The following PINX1 variants were observed in gnomAD, a reference collection of about 807,000 sequenced individuals.
PINX1 encodes PIN2/TERF1-interacting telomerase inhibitor 1.
In PINX1, 34 loss-of-function variants were observed where a neutral mutation model predicts 25.4. The ratio of observed to expected loss-of-function variants is 1.34; its 90% CI spans 1.02 to 1.78. The LOEUF is 1.78. PINX1 is among the 40% of genes most tolerant of loss of function. PINX1 has a pLI of 0.00. For synonymous variants in PINX1, 197 were observed against 147.7 expected, an observed-to-expected ratio of 1.33 and a Z score of -2.42; for missense variants, 592 against 404.9, an observed-to-expected ratio of 1.46 and a Z score of -3.97.
intron 5 of PINX1, among the ~76,000 whole-genome samples, chr8:10,824,971 G>A (rs1207627046): frequency 6.6e-6 from 1 of 152,210 alleles, no homozygotes; most frequent in African/African-American, 2.4e-5. Context: ...AAGAACCCCA[G>A]TCAGAAGGGA....
rs1402880212 is a variant in PINX1 at position 10,770,193 on chromosome 8, A to G, written c.472-4277T>C. On this transcript the variant is annotated intron_variant, in intron 6 of 6. Transcript: ENST00000314787. ...GATGCTGGACAGCTTCCACCTGGAC[A>G]CTGCCAATATGGAAAGGTGGCTGCT... Among the ~76,000 whole-genome samples the G allele has an allele frequency of 3.3e-5, 5 of 152,348 alleles. No homozygotes were observed. The South Asian group carries it at 8.3e-4, about 25-fold the overall frequency.
At chr8:10,779,114 A>T (rs1586141484) in intron 6 of PINX1, among the ~76,000 whole-genome samples, 1 of 152,300 alleles carries the variant, frequency 6.6e-6, no homozygotes, top group East Asian at 1.9e-4. Context: ...CCAAGTATGG[A>T]TGTATTTTCT....
intron 6 of PINX1, among the ~76,000 whole-genome samples, chr8:10,799,029 T>C (rs1329615669): frequency 3.3e-5 from 5 of 152,178 alleles, no homozygotes; most frequent in Admixed American, 3.3e-4. Context: ...AGCAAGGAAA[T>C]TAGAGGTAAG....
chr8:10,826,203 C>T lies in PINX1; in HGVS notation c.343G>A (p.Glu115Lys). The change falls in exon 5 of 7, where the codon GAA becomes AAA. Residue 115 changes from glutamate (E) to lysine (K), a missense_variant. By Grantham distance (56) the Glu-to-Lys change is moderately conservative. Transcript: ENST00000314787. ...CGGTTTTTGGAGATTTTGGACTTTT[C>T]CTCAAGGCTAAAAGATTTCTTTTCC... Reference protein sequence around the residue: ...KKEKKSFSLEEKSKISKNRVH... With the variant: ...KKEKKSFSLEKKSKISKNRVH... 6.3e-7 allele frequency: 1 copy of T among 1,598,094 alleles called. No individual in the cohort carries two copies. Among genetic ancestry groups the T allele is most frequent in the Non-Finnish European group, 8.6e-7 (1 of 1,168,376 alleles).
chr8:10,769,352 G>A (rs534997175), intron 6 of PINX1, among the ~76,000 whole-genome samples: 150 of 152,256 alleles, frequency 9.9e-4, no homozygotes, highest in Non-Finnish European at 1.8e-3. Context: ...TTCCTTCAGC[G>A]CTAATGAGTG....
Position 10,833,012 on chromosome 8 carries a change from A to G in PINX1, c.130-28T>C, listed in dbSNP as rs146225181. 32 of 1,407,568 alleles carry G rather than the reference A, an allele frequency of 2.3e-5. No individual in the cohort carries two copies. The East Asian group carries it at 7.2e-4, about 31-fold the overall frequency. 87.2% of individuals were successfully genotyped at this position (1,407,568 alleles called of 1,614,324 possible). A position where few individuals can be genotyped will look rare whatever the true frequency, so the allele number is the denominator to read the frequency against. On this transcript the variant is annotated intron_variant, in intron 2 of 6. Coordinates refer to ENST00000314787, the MANE Select transcript of PINX1 (RefSeq NM_017884.6). ...GTGGAGATTAAACACAGAGAGTTAGAACATTCCTCTCACTGATACTCAGAA... is the reference window on the plus strand; with the variant it reads ...GTGGAGATTAAACACAGAGAGTTAGGACATTCCTCTCACTGATACTCAGAA...
At chr8:10,813,862 G>A (rs1797611677) in intron 6 of PINX1, among the ~76,000 whole-genome samples, 1 of 151,318 alleles carries the variant, frequency 6.6e-6, no homozygotes, top group African/African-American at 2.4e-5. Context: ...GAAACAAGCT[G>A]GAGAGAGGAA....
At chr8:10,770,393 G>C (rs983173534) in intron 6 of PINX1, among the ~76,000 whole-genome samples, 4 of 152,220 alleles carry the variant, frequency 2.6e-5, no homozygotes, top group African/African-American at 9.7e-5. Flanking sequence ...CCTGCAGAGA[G>C]TCCCTGCGGG....
intron 6 of PINX1, among the ~76,000 whole-genome samples, chr8:10,789,250 G>A (rs1368430577): frequency 6.6e-6 from 1 of 152,234 alleles, no homozygotes; most frequent in South Asian, 2.1e-4. Flanking sequence ...CCAGCGAGAT[G>A]AGGAGCCATG....
chr8:10,781,095 A>C (rs1801571203), intron 6 of PINX1, among the ~76,000 whole-genome samples: 1 of 152,198 alleles, frequency 6.6e-6, no homozygotes, highest in Non-Finnish European at 1.5e-5. Context: ...AGAAGACACA[A>C]TGGGGAAAGG....
At chr8:10,780,069 A>C (rs1192345845) in intron 6 of PINX1, among the ~76,000 whole-genome samples, 1 of 152,220 alleles carries the variant, frequency 6.6e-6, no homozygotes, top group Non-Finnish European at 1.5e-5. Context: ...TATGTTGATC[A>C]TGTATCCTGC....
chr8:10,803,312 C>G (rs1240346963), intron 6 of PINX1, among the ~76,000 whole-genome samples: 1 of 152,200 alleles, frequency 6.6e-6, no homozygotes, highest in Admixed American at 6.5e-5. Flanking sequence ...GCCATTAGCA[C>G]ATCTAATCAA....
At chr8:10,830,905 TAA>T (rs1187927158) in intron 4 of PINX1, among the ~76,000 whole-genome samples, 1 of 152,114 alleles carries the variant, frequency 6.6e-6, no homozygotes, top group Non-Finnish European at 1.5e-5. Context: ...CTCAAAAAGT[TAA>T]AAATAGAACT....
At chr8:10,826,944 T>C (rs754789032) in intron 4 of PINX1, among the ~76,000 whole-genome samples, 34 of 152,320 alleles carry the variant, frequency 2.2e-4, no homozygotes, top group Non-Finnish European at 4.6e-4. Context: ...GAATCTGCAC[T>C]TGTGATAAAA....
intron 1 of PINX1, among the ~76,000 whole-genome samples, chr8:10,836,140 C>T (rs757392134): frequency 3.3e-5 from 5 of 152,174 alleles, no homozygotes; most frequent in Admixed American, 6.5e-5. Flanking sequence ...GTCAAAGGGG[C>T]TCACTGTGGC....
intron 5 of PINX1, among the ~76,000 whole-genome samples, chr8:10,824,844 A>G (rs899746210): frequency 1.5e-4 from 23 of 152,312 alleles, no homozygotes; most frequent in African/African-American, 5.3e-4. Context: ...TCTACAGTCT[A>G]ATGAAAGAAG....
intron 6 of PINX1, among the ~76,000 whole-genome samples, chr8:10,784,582 C>T (rs532272415): frequency 2.0e-5 from 3 of 152,240 alleles, no homozygotes; most frequent in South Asian, 4.2e-4. Context: ...TTTCTGCTTG[C>T]AGAAAAATAA....
At chr8:10,775,414 T>TTTTTTG (rs1563203229) in intron 6 of PINX1, among the ~76,000 whole-genome samples, 2 of 91,720 alleles carry the variant, frequency 2.2e-5, no homozygotes, top group African/African-American at 7.9e-5. Flanking sequence ...TTTGTGGTTT[T>TTTTTTG]TTTTTTTTTT....
rs559032925 is a variant in PINX1 at position 10,802,735 on chromosome 8, T to A, written c.471+17458A>T. On this transcript the variant is annotated intron_variant, in intron 6 of 6. Transcript: ENST00000314787. ...TGGGCGAAGATCTCTATGAAGGGAATGTACCAGACCTCCAGGGTGGGGGAT... is the reference window on the plus strand; with the variant it reads ...TGGGCGAAGATCTCTATGAAGGGAAAGTACCAGACCTCCAGGGTGGGGGAT... Among the ~76,000 whole-genome samples, 3 of 152,298 alleles carry A rather than the reference T, an allele frequency of 2.0e-5. No individual in the cohort carries two copies. The East Asian group carries it at 5.8e-4, about 29-fold the overall frequency.
Sources: allele counts gnomAD v4.1 joint callset (sites outside exome capture counted in the v4.1 genomes callset), GRCh38; gene constraint gnomAD v4.1.1; transcripts MANE v1.5; gene names NCBI Gene and HGNC (gene_info 2026-07-23, HGNC 2026-07-21).